Variants in CCNT1 observed in about 807,000 individuals in gnomAD.
CCNT1 encodes cyclin-T1.
CCNT1 carries 18 observed loss-of-function variants against 67.3 expected under a neutral mutation model. That is an observed-to-expected ratio of 0.27 (90% confidence interval 0.18 to 0.40). CCNT1 has a LOEUF of 0.40. Among genes scored for constraint, CCNT1 ranks in the 10% least tolerant of loss-of-function variants. CCNT1 has a pLI of 1.00. For missense variants in CCNT1, 744 were observed against 884.9 expected (o/e 0.84, Z 2.02); for synonymous variants, 333 against 310.3 (o/e 1.07, Z -0.77).
intron 4 of CCNT1, among the ~76,000 whole-genome samples, chr12:48,700,203 C>T (rs1940241910): frequency 6.6e-6 from 1 of 151,320 alleles, no homozygotes; most frequent in Admixed American, 6.6e-5. Flanking sequence ...CCTGTAGTCC[C>T]AGCTACTCTG....
At chr12:48,696,801 G>C (rs1039571926) in intron 6 of CCNT1, among the ~76,000 whole-genome samples, 14 of 152,074 alleles carry the variant, frequency 9.2e-5, no homozygotes, top group Admixed American at 9.2e-4. Context: ...AACAATGTTG[G>C]GCAAGTCATT....
rs576136800 is a variant in CCNT1, at chr12:48,698,553, G to T, written c.497-370C>A. On this transcript the variant is annotated intron_variant, in intron 5 of 8. Coordinates refer to ENST00000261900, the MANE Select transcript of CCNT1 (RefSeq NM_001240.4). ...AGTAACCCAGAGATTCTGATGTAAGGATTCACTGAGAATCACTAAACTACA... is the reference window on the plus strand; with the variant it reads ...AGTAACCCAGAGATTCTGATGTAAGTATTCACTGAGAATCACTAAACTACA... 5.3e-5 allele frequency among the ~76,000 whole-genome samples: 8 copies of T among 152,292 alleles called. No homozygotes were observed. In the East Asian group the frequency reaches 7.7e-4, roughly 15 times the overall value.
chr12:48,712,295 T>C (rs886387717), intron 2 of CCNT1, among the ~76,000 whole-genome samples: 18 of 152,140 alleles, frequency 1.2e-4, no homozygotes, highest in Admixed American at 3.9e-4. Flanking sequence ...AATCTTTTTC[T>C]TTTTGAGATG....
chr12:48,697,877 T>TAC lies in CCNT1; in HGVS notation c.542+259_542+260dup, dbSNP rs1158993511. 8.1e-3 allele frequency: 1,130 copies of TAC among 138,812 alleles called. 17 individuals carry two copies. The highest frequency in any genetic ancestry group is 0.027 in the African/African-American group (1,012 of 37,376). The allele number at this position is 138,812 out of a possible 1,614,324, so 8.6% of individuals were successfully genotyped here. A position where few individuals can be genotyped will look rare whatever the true frequency, so the allele number is the denominator to read the frequency against. On this transcript the variant is annotated intron_variant, in intron 6 of 8. Coordinates refer to ENST00000261900, the MANE Select transcript of CCNT1 (RefSeq NM_001240.4). ...AAAAATATATATATATATATATATA[T>TAC]ACACATATAATTATTGCAGAATACT...
At chr12:48,700,407 A>C (rs557924056) in intron 4 of CCNT1, among the ~76,000 whole-genome samples, 57 of 151,942 alleles carry the variant, frequency 3.8e-4, no homozygotes, top group Non-Finnish European at 7.5e-4. Flanking sequence ...ATATATGTAC[A>C]AAAAAAATTG....
chr12:48,692,999 A>T lies in CCNT1; in HGVS notation c.*34T>A. On this transcript the variant is annotated 3_prime_UTR_variant, in exon 9 of 9. Transcript: ENST00000261900. Reference sequence around the variant, plus strand: ...AAAAAGAAAAATTATGTGTTTTTTTAAAGAAGTTTTTTTCTCCTCTTCTTT... The same window carrying T: ...AAAAAGAAAAATTATGTGTTTTTTTTAAGAAGTTTTTTTCTCCTCTTCTTT... The T allele has an allele frequency of 7.3e-7, 1 of 1,366,762 alleles. No homozygotes were observed. The highest frequency in any genetic ancestry group is 9.9e-7 in the Non-Finnish European group (1 of 1,013,254). The allele number at this position is 1,366,762 out of a possible 1,614,324, so 84.7% of individuals were successfully genotyped here.
In CCNT1 at chr12:48,693,525, A is replaced by C; in HGVS notation, c.1689T>G (p.Ser563Arg). Residue 563 changes from serine (S) to arginine (R), a missense_variant, in exon 9 of 9, where the codon AGT becomes AGG. Physicochemically the swap from Ser to Arg is moderately radical, Grantham distance 110 (BLOSUM62 -1). This residue lies in a region of CCNT1 where 564 missense variants were observed against 574.2 expected (regional missense o/e 0.98). Transcript: ENST00000261900. Reference protein sequence around the residue: ...NLAHKTYSLSSSFSSSSSTRK... With the variant: ...NLAHKTYSLSRSFSSSSSTRK... ...GAGTAGAACTGGAAGAGGAAAAAGA[A>C]CTAGACAAGCTATAGGTTTTATGTG... 6.2e-7 allele frequency: 1 copy of C among 1,614,182 alleles called. No homozygotes were observed. The highest frequency in any genetic ancestry group is 8.5e-7 in the Non-Finnish European group (1 of 1,180,020).
chr12:48,701,963 C>T (rs1940277865), intron 3 of CCNT1, among the ~76,000 whole-genome samples: 1 of 151,564 alleles, frequency 6.6e-6, no homozygotes, highest in Non-Finnish European at 1.5e-5. Context: ...GTGGCGCGAC[C>T]TCGCCTCACT....
chr12:48,705,213 G>A (rs1463838081), intron 3 of CCNT1, among the ~76,000 whole-genome samples: 1 of 152,134 alleles, frequency 6.6e-6, no homozygotes, highest in East Asian at 1.9e-4. Context: ...CCATGCTCAA[G>A]CAACCCTCCC....
Position 48,696,114 on chromosome 12 carries a change from G to C in CCNT1, c.591C>G (p.Ala197=). 1.2e-6 allele frequency: 2 copies of C among 1,613,704 alleles called. No individual in the cohort carries two copies. Among genetic ancestry groups the C allele is most frequent in the Non-Finnish European group, 1.7e-6 (2 of 1,179,768 alleles). Residue 197 remains alanine (A), a synonymous_variant, in exon 7 of 9, where the codon GCC becomes GCG. Coordinates refer to ENST00000261900, the MANE Select transcript of CCNT1 (RefSeq NM_001240.4). ...FSLQYTPPVV[A]CVCIHLACKW... is the part of the protein sequence containing the mutation. Reference sequence around the variant, plus strand: ...TGCAAGCCAGGTGAATGCAGACACAGGCCACCACAGGAGGTGTGTACTGCA... The same window carrying C: ...TGCAAGCCAGGTGAATGCAGACACACGCCACCACAGGAGGTGTGTACTGCA...
intron 2 of CCNT1, among the ~76,000 whole-genome samples, chr12:48,707,491 T>C (rs1454244883): frequency 6.6e-6 from 1 of 151,920 alleles, no homozygotes; most frequent in Non-Finnish European, 1.5e-5. Flanking sequence ...CCCTACATTG[T>C]CCAGGCTGCT....
At position 48,693,986 on chromosome 12, in the gene CCNT1, T is replaced by C. The variant is rs1185341960; in HGVS notation, c.1228A>G (p.Met410Val). 1.9e-6 allele frequency: 3 copies of C among 1,614,128 alleles called. No individual in the cohort carries two copies. Among genetic ancestry groups the C allele is most frequent in the Admixed American group, 1.7e-5 (1 of 60,004 alleles). The change falls in exon 9 of 9, where the codon ATG (methionine) becomes GTG (valine). Residue 410 changes from methionine to valine, a missense_variant. Met to Val is a conservative substitution (Grantham distance 21). Around this residue, in one of 3 missense-constraint regions of CCNT1, gnomAD observed 564 missense variants for 574.2 expected, o/e 0.98. Coordinates refer to ENST00000261900, the MANE Select transcript of CCNT1 (RefSeq NM_001240.4). The part of the protein sequence containing the change: ...LAAQKRQLEN[M>V]EANVKSQYAY... ...TATTGTGACTTCACATTGGCTTCCA[T>C]GTTCTCCAGTTGCCTCTTCTGGGCA... is the stretch of plus-strand genomic sequence containing the variant.
At position 48,691,654 on chromosome 12, in the gene CCNT1, A is replaced by G. The variant is rs1239140639; in HGVS notation, c.*1379T>C. 6.6e-6 allele frequency: 1 copy of G among 152,228 alleles called. No individual in the cohort carries two copies. Among genetic ancestry groups the G allele is most frequent in the Non-Finnish European group, 1.5e-5 (1 of 68,044 alleles). 9.4% of individuals were successfully genotyped at this position (152,228 alleles called of 1,614,324 possible). A position where few individuals can be genotyped will look rare whatever the true frequency, so the allele number is the denominator to read the frequency against. ...GGACTTAGAAATCTTAAGAACCTCGATCAAGAACCTAAAGCTACCAAAGAT... is the reference window on the plus strand; with the variant it reads ...GGACTTAGAAATCTTAAGAACCTCGGTCAAGAACCTAAAGCTACCAAAGAT... On this transcript the variant is annotated 3_prime_UTR_variant, in exon 9 of 9. Transcript: ENST00000261900.
intron 1 of CCNT1, among the ~76,000 whole-genome samples, chr12:48,716,166 C>T (rs1258440792): frequency 6.6e-6 from 1 of 152,218 alleles, no homozygotes; most frequent in African/African-American, 2.4e-5. Context: ...AAACCTCTGC[C>T]AGACCTAGAC....
chr12:48,712,143 C>T (rs1279437316), intron 2 of CCNT1, among the ~76,000 whole-genome samples: 3 of 152,102 alleles, frequency 2.0e-5, no homozygotes, highest in Non-Finnish European at 4.4e-5. Flanking sequence ...TGCAGTTACT[C>T]CCAATACTGT....
chr12:48,704,020 C>T (rs1940315307), intron 3 of CCNT1, among the ~76,000 whole-genome samples: 1 of 151,996 alleles, frequency 6.6e-6, no homozygotes. Flanking sequence ...GTTAAAAATA[C>T]ATACATTCAC....
At chr12:48,701,248 C>G (rs978070140) in intron 3 of CCNT1, among the ~76,000 whole-genome samples, 175 bp from the exon 4 acceptor site, 1 of 84,708 alleles carries the variant, frequency 1.2e-5, no homozygotes, top group African/African-American at 4.5e-5. Flanking sequence ...TTTTTTTAGA[C>G]AGAGTCTCCC....
intron 3 of CCNT1, among the ~76,000 whole-genome samples, chr12:48,701,650 C>T (rs1450276849): frequency 2.0e-5 from 3 of 151,758 alleles, no homozygotes; most frequent in African/African-American, 4.8e-5. Context: ...TCTTGTTGCC[C>T]AGGCTGGAGT....
Position 48,716,505 on chromosome 12 carries a change from A to C in CCNT1, c.161+10T>G. On this transcript the variant is annotated intron_variant, in intron 1 of 8. Transcript: ENST00000261900. ...AACTCCAAGGCCGAAGGCCTAGGCCACAAGGATACACGTTAAGACGCTGCC... is the reference window on the plus strand; with the variant it reads ...AACTCCAAGGCCGAAGGCCTAGGCCCCAAGGATACACGTTAAGACGCTGCC... 1 of 1,610,200 alleles carries C rather than the reference A, an allele frequency of 6.2e-7. No homozygotes were observed. The highest frequency in any genetic ancestry group is 8.5e-7 in the Non-Finnish European group (1 of 1,177,464).
Sources: gnomAD v4.1 joint callset for allele counts (sites outside exome capture counted in the v4.1 genomes callset) on GRCh38, gnomAD v4.1.1 for gene constraint, gnomAD v4.1.1 regional missense constraint, MANE v1.5 for transcripts, NCBI Gene and HGNC (gene_info 2026-07-23, HGNC 2026-07-21) for gene names.